TRPM3: variants seen among roughly 807,000 people sequenced by gnomAD.
The protein encoded by TRPM3 is transient receptor potential cation channel subfamily M member 3.
TRPM3 carries 77 observed loss-of-function variants against 181.2 expected under a neutral mutation model. The ratio of observed to expected loss-of-function variants is 0.42; its 90% CI spans 0.35 to 0.51. TRPM3 has a LOEUF of 0.51. TRPM3 is among the 20% of genes least tolerant of loss of function. TRPM3 has a pLI of 0.01. For missense variants in TRPM3, 1,759 were observed against 2,196.7 expected (o/e 0.80, Z 3.98); for synonymous variants, 745 against 796.4 (o/e 0.94, Z 1.09).
At chr9:70,916,810 C>G (rs750848573) in intron 1 of TRPM3, among the ~76,000 whole-genome samples, 23 of 152,114 alleles carry the variant, frequency 1.5e-4, no homozygotes, top group Non-Finnish European at 3.2e-4. Flanking sequence ...TAGAAAAAAT[C>G]AAAGCAAAAT....
intron 1 of TRPM3, among the ~76,000 whole-genome samples, chr9:71,183,659 C>G (rs1294476445): frequency 6.6e-6 from 1 of 152,082 alleles, no homozygotes; most frequent in Non-Finnish European, 1.5e-5. Context: ...TAAATACACA[C>G]AGCTGGGAAA....
At position 71,362,648 on chromosome 9, in the gene TRPM3, T is replaced by C. The variant is rs184068241; in HGVS notation, c.183+84005A>G. Among the ~76,000 whole-genome samples the C allele has an allele frequency of 2.6e-5, 4 of 152,332 alleles. No individual in the cohort carries two copies. In the East Asian group the frequency reaches 7.7e-4, roughly 29 times the overall value. On this transcript the variant is annotated intron_variant, in intron 1 of 24. Coordinates refer to the TRPM3 transcript ENST00000357533. Reference sequence around the variant, plus strand: ...ATGATCTCCTCCATTTTATATTATTTCCTGTCTCTATGACTACAGGTAAAC... The same window carrying C: ...ATGATCTCCTCCATTTTATATTATTCCCTGTCTCTATGACTACAGGTAAAC...
At chr9:71,355,837 TC>T (rs1435731491) in intron 1 of TRPM3, among the ~76,000 whole-genome samples, 2 of 107,344 alleles carry the variant, frequency 1.9e-5, no homozygotes, top group Non-Finnish European at 4.3e-5. Flanking sequence ...CACAAAATAT[TC>T]CATTTTTTTT....
At chr9:71,086,126 T>G (rs1050423040) in intron 1 of TRPM3, among the ~76,000 whole-genome samples, 1 of 151,934 alleles carries the variant, frequency 6.6e-6, no homozygotes, top group Admixed American at 6.6e-5. Context: ...ATGTTCTCAC[T>G]CGTAAGTGGA....
At chr9:70,603,982 T>C (rs1036960927) in intron 19 of TRPM3, among the ~76,000 whole-genome samples, 1 of 152,244 alleles carries the variant, frequency 6.6e-6, no homozygotes, top group Non-Finnish European at 1.5e-5. Flanking sequence ...AGTGCTTCGC[T>C]TGTCAGTGCC....
chr9:71,265,220 T>G lies in TRPM3; in HGVS notation c.183+181433A>C, dbSNP rs552134178. Reference sequence around the variant, plus strand: ...TTATACATTTTAAAGTATCAAAATTTTAAATGGCAAGAAGTTTAAAATTTT... The same window carrying G: ...TTATACATTTTAAAGTATCAAAATTGTAAATGGCAAGAAGTTTAAAATTTT... On this transcript the variant is annotated intron_variant, in intron 1 of 24. Transcript: ENST00000357533. Among the ~76,000 whole-genome samples, 300 of 152,312 alleles carry G rather than the reference T, an allele frequency of 2.0e-3. 3 individuals carry two copies. The highest frequency in any genetic ancestry group is 6.7e-3 in the African/African-American group (277 of 41,576).
chr9:71,404,627 C>T (rs2093402836), intron 1 of TRPM3, among the ~76,000 whole-genome samples: 1 of 152,136 alleles, frequency 6.6e-6, no homozygotes, highest in Non-Finnish European at 1.5e-5. Context: ...TGGTCTTTTC[C>T]TCTCCACTAA....
chr9:71,315,597 T>G (rs947408090), intron 1 of TRPM3, among the ~76,000 whole-genome samples: 2 of 152,210 alleles, frequency 1.3e-5, no homozygotes, highest in Admixed American at 1.3e-4. Context: ...AGCCATCTAC[T>G]AGATTCACAT....
chr9:70,909,582 AG>A (rs1341331774), intron 1 of TRPM3, among the ~76,000 whole-genome samples: 1 of 152,168 alleles, frequency 6.6e-6, no homozygotes, highest in African/African-American at 2.4e-5. Context: ...AAGGCCCAAA[AG>A]GTAGGGGTTA....
chr9:70,810,126 C>G (rs770202571), intron 6 of TRPM3: 4 of 531,456 alleles, frequency 7.5e-6, no homozygotes, highest in South Asian at 4.2e-5. Flanking sequence ...CCTCCACCCC[C>G]ACCCTCCTTT....
At chr9:71,068,945 C>T (rs571317358) in intron 1 of TRPM3, among the ~76,000 whole-genome samples, 1 of 152,260 alleles carries the variant, frequency 6.6e-6, no homozygotes, top group Non-Finnish European at 1.5e-5. Context: ...TAGAGATGAT[C>T]ATGGAAGCAC....
At chr9:70,859,516 G>C (rs2132328288) in intron 3 of TRPM3, among the ~76,000 whole-genome samples, 1 of 152,284 alleles carries the variant, frequency 6.6e-6, no homozygotes, top group Non-Finnish European at 1.5e-5. Flanking sequence ...TCATAGTTAA[G>C]TACTTGGCAC....
Position 71,121,225 on chromosome 9 carries a change from G to A in TRPM3, c.130C>T (p.Arg44Trp). The A allele has an allele frequency of 1.2e-6, 2 of 1,614,078 alleles. No individual in the cohort carries two copies. Among genetic ancestry groups the A allele is most frequent in the South Asian group, 1.1e-5 (1 of 91,076 alleles). Residue 44 changes from arginine (R) to tryptophan (W), a missense_variant, in exon 1 of 26, where the codon CGG becomes TGG. By Grantham distance (101) the Arg-to-Trp change is moderately radical (BLOSUM62 -3). Around this residue, in one of 8 missense-constraint regions of TRPM3, gnomAD observed 737 missense variants for 957.4 expected, o/e 0.77. Transcript: ENST00000677713. ...DAPRPLNWTI[R>W]KLCHAAFLPS... ...AGAAAGGCTGCGTGGCACAGCTTCC[G>A]GATGGTCCAGTTTAGGGGTCGAGGA...
intron 12 of TRPM3, among the ~76,000 whole-genome samples, chr9:70,634,345 T>G (rs1166167719): frequency 6.6e-6 from 1 of 152,138 alleles, no homozygotes; most frequent in Non-Finnish European, 1.5e-5. Flanking sequence ...GAACTCGACC[T>G]TAGGTGATCC....
At chr9:70,901,096 T>C (rs1328307406) in intron 1 of TRPM3, among the ~76,000 whole-genome samples, 2 of 152,160 alleles carry the variant, frequency 1.3e-5, no homozygotes, top group African/African-American at 4.8e-5. Context: ...TAGGATAGCC[T>C]AAAATGAAAG....
chr9:71,388,640 G>A (rs963611223), intron 1 of TRPM3, among the ~76,000 whole-genome samples: 1 of 152,004 alleles, frequency 6.6e-6, no homozygotes, highest in Admixed American at 6.6e-5. Context: ...AGTATATTCG[G>A]GCCTACAGAC....
intron 7 of TRPM3, among the ~76,000 whole-genome samples, chr9:70,765,211 C>T (rs558821108): frequency 9.2e-5 from 14 of 152,302 alleles, no homozygotes; most frequent in African/African-American, 2.9e-4. Flanking sequence ...TATTCTAAGT[C>T]TTTCATAGTT....
rs1042630591 is a variant in TRPM3 at position 70,894,370 on chromosome 9, A to G, written c.178-29859T>C. On this transcript the variant is annotated intron_variant, in intron 1 of 25. Transcript: ENST00000677713. ...ATGAGGTCAGTGGTTGCCTGGGCCCAAGGGACCATCGGGCATTACTTGGGT... is the reference window on the plus strand; with the variant it reads ...ATGAGGTCAGTGGTTGCCTGGGCCCGAGGGACCATCGGGCATTACTTGGGT... Among the ~76,000 whole-genome samples the G allele has an allele frequency of 2.6e-5, 4 of 152,196 alleles. No individual in the cohort carries two copies. In the East Asian group the frequency reaches 5.8e-4, roughly 22 times the overall value.
chr9:70,936,202 T>A (rs757008673), intron 1 of TRPM3, among the ~76,000 whole-genome samples: 2 of 152,226 alleles, frequency 1.3e-5, no homozygotes, highest in Admixed American at 6.5e-5. Context: ...ATGCAGTAAA[T>A]GAATAAGTAA....
Sources: gnomAD v4.1 joint callset for allele counts (sites outside exome capture counted in the v4.1 genomes callset) on GRCh38, gnomAD v4.1.1 for gene constraint, gnomAD v4.1.1 regional missense constraint, MANE v1.5 for transcripts, NCBI Gene and HGNC (gene_info 2026-07-23, HGNC 2026-07-21) for gene names.